Variants in KSR2 observed in about 807,000 individuals in gnomAD.
KSR2 encodes the protein kinase suppressor of ras 2.
A neutral mutation model predicts 107.8 loss-of-function variants in KSR2; 25 were observed. The observed-to-expected ratio is 0.23, with a 90% CI of 0.17 to 0.32. KSR2 has a LOEUF of 0.32. KSR2 is among the 10% of genes least tolerant of loss of function. The pLI is 1.00. For missense variants in KSR2, 887 were observed against 1,268.9 expected, an observed-to-expected ratio of 0.70 and a Z score of 4.57; for synonymous variants, 480 against 507.0, an observed-to-expected ratio of 0.95 and a Z score of 0.71.
intron 3 of KSR2, among the ~76,000 whole-genome samples, chr12:117,829,973 G>A (rs1057165698): frequency 1.3e-5 from 2 of 152,172 alleles, no homozygotes; most frequent in Non-Finnish European, 2.9e-5. Context: ...AATATTGCAT[G>A]TTCTCACTTA....
chr12:117,533,142 T>C (rs868837160), intron 10 of KSR2, among the ~76,000 whole-genome samples: 1 of 152,240 alleles, frequency 6.6e-6, no homozygotes, highest in African/African-American at 2.4e-5. Context: ...AGCTGTGAGA[T>C]AAATAAACAC....
At chr12:117,533,033 G>A (rs1202848588) in intron 10 of KSR2, among the ~76,000 whole-genome samples, 1 of 152,122 alleles carries the variant, frequency 6.6e-6, no homozygotes, top group African/African-American at 2.4e-5. Context: ...AAGTCTCACT[G>A]TCCACACGTG....
chr12:117,663,800 C>T (rs78885760), intron 5 of KSR2, among the ~76,000 whole-genome samples: 3,123 of 152,230 alleles, frequency 0.021, 77 homozygotes, highest in East Asian at 0.063. Context: ...TTTAAGAAAG[C>T]CTGACCTCCA....
intron 6 of KSR2, among the ~76,000 whole-genome samples, chr12:117,581,896 C>CCTATGCTAAGCA (rs58921759): frequency 6.6e-6 from 1 of 151,990 alleles, no homozygotes; most frequent in South Asian, 2.1e-4. Context: ...TGTGCCAGGC[C>CCTATGCTAAGCA]CTTTACAAAT....
intron 4 of KSR2, among the ~76,000 whole-genome samples, chr12:117,731,357 G>A (rs1263827827): frequency 2.9e-5 from 4 of 138,092 alleles, no homozygotes; most frequent in Non-Finnish European, 6.2e-5. Flanking sequence ...CCCAGCAGCC[G>A]CCCTGTCTGG....
chr12:117,505,822 A>G (rs1873647119), intron 14 of KSR2, among the ~76,000 whole-genome samples: 1 of 152,110 alleles, frequency 6.6e-6, no homozygotes, highest in Non-Finnish European at 1.5e-5. Flanking sequence ...TACCAAGAAC[A>G]CCCTTCCTCT....
At chr12:117,775,962 T>C (rs1291311917) in intron 3 of KSR2, among the ~76,000 whole-genome samples, 1 of 152,066 alleles carries the variant, frequency 6.6e-6, no homozygotes, top group East Asian at 1.9e-4. Context: ...GGGGAAGGGA[T>C]AAAAGACTAC....
At chr12:117,828,913 G>A (rs1891853824) in intron 3 of KSR2, among the ~76,000 whole-genome samples, 1 of 152,200 alleles carries the variant, frequency 6.6e-6, no homozygotes, top group South Asian at 2.1e-4. Flanking sequence ...TCAGAAGGTG[G>A]GGAGTCAATT....
At chr12:117,602,716 C>G (rs192822522) in intron 5 of KSR2, among the ~76,000 whole-genome samples, 2 of 152,124 alleles carry the variant, frequency 1.3e-5, no homozygotes, top group Non-Finnish European at 2.9e-5. Context: ...TGAATATTTG[C>G]GTATAGGTAT....
intron 9 of KSR2, among the ~76,000 whole-genome samples, chr12:117,553,096 C>A (rs999604962): frequency 2.0e-5 from 3 of 152,198 alleles, no homozygotes; most frequent in Non-Finnish European, 2.9e-5. Flanking sequence ...AACTGAGGCT[C>A]AGAGAGATTA....
At chr12:117,726,623 T>A (rs1238305395) in intron 4 of KSR2, among the ~76,000 whole-genome samples, 1 of 152,230 alleles carries the variant, frequency 6.6e-6, no homozygotes, top group African/African-American at 2.4e-5. Flanking sequence ...TGCCAAATGT[T>A]GTCTAGGGGA....
intron 5 of KSR2, among the ~76,000 whole-genome samples, chr12:117,636,457 A>G: frequency 6.9e-6 from 1 of 145,430 alleles, no homozygotes; most frequent in East Asian, 1.9e-4. Flanking sequence ...GAAAACTGAA[A>G]TAACAAACCA....
chr12:117,858,725 T>C (rs944969772), intron 2 of KSR2, among the ~76,000 whole-genome samples: 1 of 152,200 alleles, frequency 6.6e-6, no homozygotes, highest in East Asian at 1.9e-4. Flanking sequence ...AGCTTTGCTG[T>C]CCATCTGAGC....
chr12:117,842,886 G>T lies in KSR2; in HGVS notation c.472+12542C>A, dbSNP rs1566044403. The stretch of plus-strand genomic sequence containing the variant: ...ACAGGGGTTCTGCTGCAAGACAAAG[G>T]CTGGAGAGGAAAACATCCTGCCCCT... On this transcript the variant is annotated intron_variant, in intron 3 of 19. Transcript: ENST00000339824. This position sits in a 1 kb window ranked among gnomAD's most constrained non-coding sequence, Gnocchi z 4.2. Among the ~76,000 whole-genome samples, 2 of 152,152 alleles carry T rather than the reference G, an allele frequency of 1.3e-5. No individual in the cohort carries two copies. The highest frequency in any genetic ancestry group is 1.5e-5 in the Non-Finnish European group (1 of 68,026).
chr12:117,640,391 C>G (rs1207249227), intron 5 of KSR2, among the ~76,000 whole-genome samples: 8 of 152,134 alleles, frequency 5.3e-5, no homozygotes, highest in Non-Finnish European at 1.5e-5. Flanking sequence ...GCTGGGATTA[C>G]AGGCATGTGC....
intron 4 of KSR2, among the ~76,000 whole-genome samples, chr12:117,702,545 G>A (rs1886370762): frequency 6.6e-6 from 1 of 152,222 alleles, no homozygotes; most frequent in Non-Finnish European, 1.5e-5. Context: ...TGAATAGGTG[G>A]TTTAGCCTGA....
rs774180954 is a variant in KSR2 at position 117,761,172 on chromosome 12, G to A, written c.825C>T (p.Gly275=). 1.1e-4 allele frequency: 171 copies of A among 1,602,402 alleles called. No homozygotes were observed. The highest frequency in any genetic ancestry group is 1.4e-4 in the Non-Finnish European group (168 of 1,173,082). ...TGTTCTTCTTCCTCATGGGCGGCGT[G>A]CCCGGCGGGGTCACGGTGGTGACGA... ...PNIVTTVTPP[G]TPPMRKKNKL... Residue 275 remains glycine, a synonymous_variant, in exon 4 of 20, where the codon GGC becomes GGT. Coordinates refer to ENST00000339824, the MANE Select transcript of KSR2 (RefSeq NM_173598.6).
At position 117,924,308 on chromosome 12, in the gene KSR2, C is replaced by T. The variant is rs377428343; in HGVS notation, c.180+43768G>A. On this transcript the variant is annotated intron_variant, in intron 1 of 19. Coordinates refer to ENST00000339824, the MANE Select transcript of KSR2 (RefSeq NM_173598.6). ...TTAGGCCAGGCACGGTGGCTCATGC[C>T]TGTAATCCCAGCACTTTGGGAGGCT... Among the ~76,000 whole-genome samples the T allele has an allele frequency of 3.1e-3, 473 of 151,112 alleles. 2 individuals carry two copies. The highest frequency in any genetic ancestry group is 9.9e-3 in the African/African-American group (409 of 41,164).
rs959297257 is a variant in KSR2, at chr12:117,557,802, A to G, written c.1393+704T>C. On this transcript the variant is annotated intron_variant, in intron 8 of 19. Transcript: ENST00000339824. ...AGATAAATTTCAATATGGATAATGG[A>G]GTTTGGGGGTGATCACCCCATAGGG... Among the ~76,000 whole-genome samples, 6 of 152,260 alleles carry G rather than the reference A, an allele frequency of 3.9e-5. No individual in the cohort carries two copies. The East Asian group carries it at 1.2e-3, about 29-fold the overall frequency.
Sources: gnomAD v4.1 joint callset for allele counts (sites outside exome capture counted in the v4.1 genomes callset) on GRCh38, gnomAD v4.1.1 for gene constraint, Gnocchi (gnomAD v3.1) non-coding constraint, MANE v1.5 for transcripts, NCBI Gene and HGNC (gene_info 2026-07-23, HGNC 2026-07-21) for gene names.